The following RGS6 variants were observed in gnomAD, a reference collection of about 807,000 sequenced individuals.
RGS6 encodes the protein regulator of G protein signaling 6.
Under a neutral mutation model 78.5 loss-of-function variants are expected in RGS6, and 30 were observed. That is an observed-to-expected ratio of 0.38 (90% CI 0.29 to 0.52). The LOEUF (loss-of-function observed/expected upper bound fraction) is 0.52, where lower values mean the gene tolerates loss of function less well. Among genes scored for constraint, RGS6 ranks in the 20% least tolerant of loss-of-function variants. The probability of loss-of-function intolerance (pLI) is 0.85; values close to 1 mark genes in which losing one functional copy is unlikely to be tolerated. For synonymous variants in RGS6, 206 were observed against 206.0 expected (o/e 1.00, Z 0.00); for missense variants, 495 against 609.7 (o/e 0.81, Z 1.98).
At chr14:72,268,803 G>A (rs975180668) in intron 2 of RGS6, among the ~76,000 whole-genome samples, 13 of 152,116 alleles carry the variant, frequency 8.5e-5, no homozygotes, top group Non-Finnish European at 1.6e-4. Context: ...AGTGTTAGGC[G>A]CTTTATACCA....
intron 3 of RGS6, among the ~76,000 whole-genome samples, chr14:72,422,155 T>C (rs765553518): frequency 2.0e-5 from 3 of 152,208 alleles, no homozygotes; most frequent in Non-Finnish European, 4.4e-5. Context: ...CCTCCTTGCC[T>C]TCTGCCATGA....
intron 2 of RGS6, among the ~76,000 whole-genome samples, chr14:72,129,536 A>G (rs1482456705): frequency 1.3e-5 from 2 of 152,196 alleles, no homozygotes; most frequent in Non-Finnish European, 2.9e-5. Flanking sequence ...ATGGAGGTTC[A>G]CAGGCTTCCA....
At chr14:72,342,679 G>A (rs150616311) in intron 2 of RGS6, among the ~76,000 whole-genome samples, 65 of 141,746 alleles carry the variant, frequency 4.6e-4, no homozygotes, top group Admixed American at 1.7e-3. Flanking sequence ...GCAGTGAGCC[G>A]AGGTCAGGCC....
intron 3 of RGS6, among the ~76,000 whole-genome samples, chr14:72,353,867 C>A (rs2079627234): frequency 6.6e-6 from 1 of 151,952 alleles, no homozygotes; most frequent in South Asian, 2.1e-4. Flanking sequence ...GCCTGTAGTC[C>A]CAGCTACTTG....
intron 1 of RGS6, among the ~76,000 whole-genome samples, chr14:71,952,744 T>C (rs2092442402): frequency 6.6e-6 from 1 of 152,184 alleles, no homozygotes; most frequent in African/African-American, 2.4e-5. Context: ...TATGGAGTCA[T>C]TGAAAGGGTG....
intron 11 of RGS6, among the ~76,000 whole-genome samples, chr14:72,477,653 C>T (rs369961190): frequency 3.5e-4 from 53 of 151,558 alleles, no homozygotes; most frequent in Admixed American, 3.0e-3. Context: ...AAAAGTTAGC[C>T]GGGCTTGGTG....
chr14:72,395,108 TTTCA>T (rs1364060094), intron 3 of RGS6, among the ~76,000 whole-genome samples: 5 of 152,222 alleles, frequency 3.3e-5, no homozygotes, highest in African/African-American at 1.2e-4. Flanking sequence ...TGGCATCTAC[TTTCA>T]TTATCACCTT....
At chr14:72,375,503 T>A (rs2152856030) in intron 3 of RGS6, among the ~76,000 whole-genome samples, 1 of 152,218 alleles carries the variant, frequency 6.6e-6, no homozygotes, top group Non-Finnish European at 1.5e-5. Context: ...GTCCTGGGCC[T>A]GAGAAAGAGC....
rs200430397 is a variant in RGS6, at chr14:72,398,190, T to G, written c.184+45996T>G. ...TGAATCCATCTGGTCCTGGACTTTT[T>G]TTGGTTGGTAAGCTATTAATTATTG... On this transcript the variant is annotated intron_variant, in intron 3 of 17. Coordinates refer to ENST00000553525, the MANE Select transcript of RGS6 (RefSeq NM_001204424.2). Among the ~76,000 whole-genome samples the G allele has an allele frequency of 7.6e-3, 1,165 of 152,300 alleles. 38 individuals carry two copies. Among genetic ancestry groups the G allele is most frequent in the East Asian group, 0.05 (257 of 5,178 alleles).
chr14:72,057,851 C>A (rs768466686), intron 2 of RGS6, among the ~76,000 whole-genome samples: 1 of 152,286 alleles, frequency 6.6e-6, no homozygotes. Flanking sequence ...TTCACTCTGT[C>A]GAGTTTCCAT....
intron 2 of RGS6, among the ~76,000 whole-genome samples, chr14:71,998,165 G>A (rs1456788234): frequency 6.6e-6 from 1 of 152,202 alleles, no homozygotes; most frequent in Non-Finnish European, 1.5e-5. Flanking sequence ...GACTCAAAGC[G>A]GAGAGGGAGC....
chr14:71,910,729 T>C, the RGS6 span, among the ~76,000 whole-genome samples: 19 of 152,016 alleles, frequency 1.2e-4, no homozygotes, highest in Non-Finnish European at 2.5e-4. Flanking sequence ...TCGTGGGTGG[T>C]GAGGAATGAG....
intron 2 of RGS6, among the ~76,000 whole-genome samples, chr14:72,110,479 G>A (rs185348266): frequency 1.5e-3 from 227 of 152,292 alleles, no homozygotes; most frequent in Non-Finnish European, 1.6e-3. Flanking sequence ...CTAAATGCTT[G>A]ACTCTCTCGG....
At chr14:72,269,151 C>G (rs1351046423) in intron 2 of RGS6, among the ~76,000 whole-genome samples, 1 of 141,136 alleles carries the variant, frequency 7.1e-6, no homozygotes, top group African/African-American at 2.6e-5. Flanking sequence ...CACCACCCAC[C>G]TTGCTCCAAG....
chr14:72,169,868 T>C (rs552526081), intron 2 of RGS6, among the ~76,000 whole-genome samples: 9 of 152,322 alleles, frequency 5.9e-5, no homozygotes, highest in East Asian at 1.9e-4. Context: ...TTTAACCTTC[T>C]CCTAGGTGTA....
intron 2 of RGS6, among the ~76,000 whole-genome samples, chr14:72,108,306 A>AT (rs1220962586): frequency 6.6e-6 from 1 of 151,866 alleles, no homozygotes; most frequent in Non-Finnish European, 1.5e-5. Flanking sequence ...TCCAGTTTTT[A>AT]TTTTTTCTTA....
intron 2 of RGS6, among the ~76,000 whole-genome samples, chr14:72,116,310 C>G (rs1444599483): frequency 6.6e-6 from 1 of 152,076 alleles, no homozygotes; most frequent in Non-Finnish European, 1.5e-5. Flanking sequence ...CAGGTAGCTT[C>G]TAGAGGTGCA....
intron 2 of RGS6, among the ~76,000 whole-genome samples, chr14:72,321,716 G>T (rs779241538): frequency 2.6e-5 from 4 of 151,850 alleles, no homozygotes; most frequent in South Asian, 2.1e-4. Context: ...CTACCAAAAA[G>T]ATAAGGAAAA....
chr14:72,437,325 A>C (rs1277310196), intron 3 of RGS6, among the ~76,000 whole-genome samples: 1 of 138,786 alleles, frequency 7.2e-6, no homozygotes, highest in Non-Finnish European at 1.5e-5. Context: ...TGGACTACAG[A>C]GTGAGACTCC....
Sources: allele counts gnomAD v4.1 joint callset (sites outside exome capture counted in the v4.1 genomes callset), GRCh38; gene constraint gnomAD v4.1.1; transcripts MANE v1.5; gene names NCBI Gene and HGNC (gene_info 2026-07-23, HGNC 2026-07-21).